The following RIOK1 variants were observed in gnomAD, a reference collection of about 807,000 sequenced individuals.
RIOK1 encodes RIO kinase 1, also known as serine/threonine-protein kinase RIO1.
RIOK1 carries 66 observed loss-of-function variants against 73.5 expected under a neutral mutation model. The observed-to-expected ratio is 0.90, with a 90% CI of 0.74 to 1.10. The LOEUF (loss-of-function observed/expected upper bound fraction) is 1.10. Ranked by LOEUF, RIOK1 falls within the 50% of genes least tolerant of loss-of-function variation. The pLI, the probability that RIOK1 is intolerant of heterozygous loss-of-function variation, is 0.00. For missense variants in RIOK1, 658 were observed against 699.8 expected, an observed-to-expected ratio of 0.94 and a Z score of 0.67; for synonymous variants, 224 against 226.8, an observed-to-expected ratio of 0.99 and a Z score of 0.11.
chr6:7,408,974 G>A (rs1282107469), intron 12 of RIOK1, among the ~76,000 whole-genome samples: 1 of 151,874 alleles, frequency 6.6e-6, no homozygotes, highest in East Asian at 1.9e-4. Flanking sequence ...ATCCGCCTCG[G>A]CCTCCCAAAG....
intron 1 of RIOK1, among the ~76,000 whole-genome samples, chr6:7,391,457 G>C (rs1581708461): frequency 6.6e-6 from 1 of 152,274 alleles, no homozygotes; most frequent in East Asian, 1.9e-4. Context: ...AAAGAGGAAG[G>C]GCATTCCAGT....
rs202184203 is a variant in RIOK1 at position 7,404,960 on chromosome 6, C to T, written c.1035C>T (p.Ser345=). 33 of 1,614,140 alleles carry T rather than the reference C, an allele frequency of 2.0e-5. No homozygotes were observed. The highest frequency in any genetic ancestry group is 1.6e-4 in the Middle Eastern group (1 of 6,062). ...TGTATATCATTGACGTGTCTCAGTC[C>T]GTGGAGCACGACCACCCACATGCCT... is the stretch of plus-strand genomic sequence containing the variant. ...GGVYIIDVSQ[S]VEHDHPHALE... is the part of the protein sequence containing the mutation. Residue 345 remains serine (S), a synonymous_variant, in exon 11 of 17, where the codon TCC becomes TCT. Coordinates refer to ENST00000379834, the MANE Select transcript of RIOK1 (RefSeq NM_031480.3).
chr6:7,398,074 A>G (rs988314832), intron 4 of RIOK1, among the ~76,000 whole-genome samples: 6 of 152,262 alleles, frequency 3.9e-5, no homozygotes, highest in Admixed American at 1.3e-4. Context: ...CCCGGGAGGC[A>G]GAGCTTGCAG....
At chr6:7,396,919 G>GTGTT (rs1400475061) in intron 4 of RIOK1, 147 bp downstream of exon 4, 4 of 517,808 alleles carry the variant, frequency 7.7e-6, no homozygotes, top group East Asian at 3.1e-5. Context: ...GTGTGTGTGT[G>GTGTT]TTTTCCTTAG....
intron 5 of RIOK1, among the ~76,000 whole-genome samples, chr6:7,400,128 C>T (rs2113508303): frequency 6.6e-6 from 1 of 152,270 alleles, no homozygotes; most frequent in East Asian, 1.9e-4. Context: ...CTTTGAAATC[C>T]ATTTTACTCA....
intron 16 of RIOK1, 101 bp downstream of exon 16, chr6:7,414,491 A>G: frequency 1.8e-6 from 2 of 1,104,740 alleles, no homozygotes; most frequent in East Asian, 2.5e-5. Flanking sequence ...GGCTGAAAAC[A>G]TTATTGATAA....
At position 7,404,506 on chromosome 6, in the gene RIOK1, T is replaced by G; in HGVS notation, c.943T>G (p.Tyr315Asp). ...GGTCATTCAGTACATGAGAAGAATG[T>G]ATCAGGATGCCAGACTTGTCCATGC... Reference protein sequence around the residue: ...LQVIQYMRRMYQDARLVHADL... With the variant: ...LQVIQYMRRMDQDARLVHADL... Residue 315 changes from tyrosine (Y) to aspartate (D), a missense_variant, in exon 10 of 17, where the codon TAT becomes GAT. Coordinates refer to ENST00000379834, the MANE Select transcript of RIOK1 (RefSeq NM_031480.3). 6.2e-7 allele frequency: 1 copy of G among 1,614,202 alleles called. No homozygotes were observed. The highest frequency in any genetic ancestry group is 8.5e-7 in the Non-Finnish European group (1 of 1,180,028).
intron 16 of RIOK1, 82 bp from the exon 17 acceptor site, chr6:7,417,248 TA>T: frequency 1.1e-6 from 1 of 894,444 alleles, no homozygotes; most frequent in Non-Finnish European, 1.7e-6. Context: ...AGACCCTGTC[TA>T]AAAAACAAAA....
rs543267411 is a variant in RIOK1 at position 7,400,245 on chromosome 6, A to G, written c.481-713A>G. 4.6e-5 allele frequency among the ~76,000 whole-genome samples: 7 copies of G among 152,328 alleles called. No homozygotes were observed. The East Asian group carries it at 1.4e-3, about 29-fold the overall frequency. On this transcript the variant is annotated intron_variant, in intron 5 of 16. Coordinates refer to ENST00000379834, the MANE Select transcript of RIOK1 (RefSeq NM_031480.3). ...GGCCAACTAATAAATATGTGTGAGC[A>G]TTGTGGCTCACATATAGTTTCTGTT... is the stretch of plus-strand genomic sequence containing the variant.
intron 5 of RIOK1, 80 bp from the exon 6 acceptor site, chr6:7,400,877 GT>G: frequency 1.3e-6 from 1 of 791,964 alleles, no homozygotes; most frequent in Non-Finnish European, 2.2e-6. Context: ...AAGCTCTGCT[GT>G]TTATTGATTG....
At chr6:7,413,008 A>T in intron 15 of RIOK1, 66 bp downstream of exon 15, 1 of 795,170 alleles carries the variant, frequency 1.3e-6, no homozygotes, top group South Asian at 2.0e-5. Context: ...AACTCTAGTC[A>T]TACTGTTTTT....
rs1761705724 is a variant in RIOK1, at chr6:7,404,887, A to T, written c.993-31A>T. 1.9e-6 allele frequency: 3 copies of T among 1,542,222 alleles called. No homozygotes were observed. The African/African-American group carries it at 4.1e-5, about 21-fold the overall frequency. ...ACGAAAAACATAGTAAAGTAATACC[A>T]TCCCACAGCTTCTGTGTCTCTGGCC... On this transcript the variant is annotated intron_variant, in intron 10 of 16. Coordinates refer to ENST00000379834, the MANE Select transcript of RIOK1 (RefSeq NM_031480.3).
In RIOK1 at chr6:7,404,979, C is replaced by G; in HGVS notation, c.1054C>G (p.His352Asp). 3 of 1,614,210 alleles carry G rather than the reference C, an allele frequency of 1.9e-6. 1 individual carries two copies. Among genetic ancestry groups the G allele is most frequent in the Non-Finnish European group, 2.5e-6 (3 of 1,180,026 alleles). Residue 352 changes from histidine to aspartate, a missense_variant, in exon 11 of 17, where the codon CAT becomes GAT. Physicochemically the swap from His to Asp is moderately conservative, Grantham distance 81 (BLOSUM62 -1). Transcript: ENST00000379834. ...TCAGTCCGTGGAGCACGACCACCCACATGCCTTGGAGTTCTTGAGAAAGGA... is the reference window on the plus strand; with the variant it reads ...TCAGTCCGTGGAGCACGACCACCCAGATGCCTTGGAGTTCTTGAGAAAGGA... ...VSQSVEHDHP[H>D]ALEFLRKDCA... is the part of the protein sequence containing the mutation.
chr6:7,392,243 C>CA (rs35570327), intron 1 of RIOK1, among the ~76,000 whole-genome samples: 3,490 of 110,504 alleles, frequency 0.032, 53 homozygotes, highest in Middle Eastern at 0.052. Context: ...TCTAATATGG[C>CA]AAAAAAAAAA....
At chr6:7,414,527 C>A (rs924015762) in intron 16 of RIOK1, 137 bp downstream of exon 16, 3 of 831,084 alleles carry the variant, frequency 3.6e-6, no homozygotes, top group African/African-American at 1.7e-5. Flanking sequence ...GTTTTAATAC[C>A]TAAGTGTGAA....
rs117869126 is a variant in RIOK1, at chr6:7,390,607, C to G, written c.71+534C>G. Among the ~76,000 whole-genome samples the G allele has an allele frequency of 8.5e-5, 13 of 152,064 alleles. No homozygotes were observed. The East Asian group carries it at 2.5e-3, about 30-fold the overall frequency. ...AAGTCCAGATTTGAATGACAAGGAGCTAATCCTGGCAAGAGCAGAGGGAAC... is the reference window on the plus strand; with the variant it reads ...AAGTCCAGATTTGAATGACAAGGAGGTAATCCTGGCAAGAGCAGAGGGAAC... On this transcript the variant is annotated intron_variant, in intron 1 of 16. Coordinates refer to ENST00000379834, the MANE Select transcript of RIOK1 (RefSeq NM_031480.3).
In RIOK1 at chr6:7,396,894, T is replaced by G. The variant is rs1039539247; in HGVS notation, c.437+122T>G. 8.9e-5 allele frequency: 36 copies of G among 402,718 alleles called. 1 individual carries two copies. The highest frequency in any genetic ancestry group is 6.3e-4 in the East Asian group (17 of 26,944). 24.9% of individuals were successfully genotyped at this position (402,718 alleles called of 1,614,324 possible). ...ATACTTAAACCAATCATTATTTTGG[T>G]GTGTGTGTGTGTGTGTGTGTGTGTG... On this transcript the variant is annotated intron_variant, in intron 4 of 16. Transcript: ENST00000379834.
chr6:7,392,656 A>C (rs1048137874), intron 1 of RIOK1, among the ~76,000 whole-genome samples: 1 of 152,012 alleles, frequency 6.6e-6, no homozygotes, highest in African/African-American at 2.4e-5. Context: ...AGTAGCTGGG[A>C]TCAAAGGTGT....
chr6:7,390,147 G>A, intron 1 of RIOK1, 74 bp downstream of exon 1: 2 of 1,296,180 alleles, frequency 1.5e-6, no homozygotes, highest in Non-Finnish European at 2.2e-6. Flanking sequence ...GTGGACTCTT[G>A]TTTGCGGTTT....
Sources: allele counts gnomAD v4.1 joint callset (sites outside exome capture counted in the v4.1 genomes callset), GRCh38; gene constraint gnomAD v4.1.1; transcripts MANE v1.5; gene names NCBI Gene and HGNC (gene_info 2026-07-23, HGNC 2026-07-21).